The following ASH1L variants were observed in gnomAD, a reference collection of about 807,000 sequenced individuals.
ASH1L encodes the protein ASH1 like histone lysine methyltransferase, also known as histone-lysine N-methyltransferase ASH1L.
ASH1L carries 23 observed loss-of-function variants against 269.0 expected under a neutral mutation model. The ratio of observed to expected loss-of-function variants is 0.09; its 90% CI spans 0.06 to 0.12. The LOEUF is 0.12. ASH1L is among the 10% of genes least tolerant of loss of function. The pLI, the probability that ASH1L is intolerant of heterozygous loss-of-function variation, is 1.00. For missense variants in ASH1L, 2,912 were observed against 3,567.8 expected, an observed-to-expected ratio of 0.82 and a Z score of 4.68; for synonymous variants, 1,187 against 1,253.5, an observed-to-expected ratio of 0.95 and a Z score of 1.12.
At chr1:155,473,556 C>T (rs976189746) in intron 3 of ASH1L, among the ~76,000 whole-genome samples, 3 of 149,514 alleles carry the variant, frequency 2.0e-5, no homozygotes, top group East Asian at 2.0e-4. Context: ...TGAAGTGGCA[C>T]GATCACAGCT....
At chr1:155,512,075 G>T (rs1376093136) in intron 2 of ASH1L, among the ~76,000 whole-genome samples, 1 of 151,706 alleles carries the variant, frequency 6.6e-6, no homozygotes, top group Non-Finnish European at 1.5e-5. Context: ...GTCTCCCAAA[G>T]TGCTGGGATT....
chr1:155,388,459 TTTTTC>T lies in ASH1L; in HGVS notation c.6103+6995_6103+6999del, dbSNP rs1657623759. On this transcript the variant is annotated intron_variant, in intron 7 of 27. Transcript: ENST00000392403. ...GTGCATGTCACCATACCTGGCTAAA[TTTTTC>T]TTTTCTTTTTAAATTTTTGTATACA... Among the ~76,000 whole-genome samples, 3 of 151,680 alleles carry T rather than the reference TTTTTC, an allele frequency of 2.0e-5. 1 individual carries two copies. Among genetic ancestry groups the T allele is most frequent in the South Asian group, 4.2e-4 (2 of 4,806 alleles).
Position 155,390,851 on chromosome 1 carries a change from G to A in ASH1L, c.6103+4608C>T, listed in dbSNP as rs956882683. Among the ~76,000 whole-genome samples the A allele has an allele frequency of 5.9e-5, 9 of 151,428 alleles. No homozygotes were observed. In the South Asian group the frequency reaches 1.7e-3, roughly 28 times the overall value. On this transcript the variant is annotated intron_variant, in intron 7 of 27. Transcript: ENST00000392403. ...TTTTTAGTAGAGACGTGGTTTCACC[G>A]TGTTAGCCAGGATGGTTTCGATCTC...
intron 4 of ASH1L, among the ~76,000 whole-genome samples, chr1:155,446,300 A>G (rs929773220): frequency 7.1e-6 from 1 of 139,930 alleles, no homozygotes; most frequent in Non-Finnish European, 1.6e-5. Flanking sequence ...AATTAATTAA[A>G]TTTTTTTTTT....
At chr1:155,560,917 A>G (rs1389865304) in intron 1 of ASH1L, among the ~76,000 whole-genome samples, 1 of 152,004 alleles carries the variant, frequency 6.6e-6, no homozygotes, top group African/African-American at 2.4e-5. Flanking sequence ...ATCTGACACA[A>G]TCGGTCTCCC....
chr1:155,413,330 G>C (rs1659949045), intron 6 of ASH1L, among the ~76,000 whole-genome samples: 1 of 152,070 alleles, frequency 6.6e-6, no homozygotes, highest in South Asian at 2.1e-4. Flanking sequence ...CATGGGCCAG[G>C]CATGGTGGCT....
chr1:155,489,909 A>T lies in ASH1L; in HGVS notation c.421-7460T>A, dbSNP rs567867455. Among the ~76,000 whole-genome samples, 3 of 152,254 alleles carry T rather than the reference A, an allele frequency of 2.0e-5. No homozygotes were observed. The East Asian group carries it at 5.8e-4, about 29-fold the overall frequency. On this transcript the variant is annotated intron_variant, in intron 2 of 27. Coordinates refer to ENST00000392403, the MANE Select transcript of ASH1L (RefSeq NM_018489.3). ...ATTACTTCCTTCAGGTAAATTTTTA[A>T]AGGTGAAAGTACAAAGCTGAAGGGC...
chr1:155,562,399 C>T lies in ASH1L; in HGVS notation c.-346G>A. The T allele has an allele frequency of 6.7e-7, 1 of 1,497,222 alleles. No homozygotes were observed. Among genetic ancestry groups the T allele is most frequent in the Middle Eastern group, 1.7e-4 (1 of 5,902 alleles). The allele number at this position is 1,497,222 out of a possible 1,614,324, so 92.7% of individuals were successfully genotyped here. On this transcript the variant is annotated 5_prime_UTR_variant, in exon 1 of 28. Transcript: ENST00000392403. ...CGAGACTGGGATCGTCTCCCCTCCG[C>T]AAAGCGAACCCAAAATGGCGGCGGG...
At chr1:155,417,972 A>C (rs1571157257) in intron 5 of ASH1L, among the ~76,000 whole-genome samples, 6 of 152,158 alleles carry the variant, frequency 3.9e-5, no homozygotes, top group African/African-American at 1.4e-4. Flanking sequence ...AAAAAAAAAA[A>C]GACTAGCCTT....
chr1:155,389,343 T>C (rs1003957549), intron 7 of ASH1L, among the ~76,000 whole-genome samples: 2 of 152,104 alleles, frequency 1.3e-5, no homozygotes, highest in South Asian at 2.1e-4. Flanking sequence ...CTTGGAGATA[T>C]ATATTTATAT....
intron 13 of ASH1L, among the ~76,000 whole-genome samples, chr1:155,359,113 C>T (rs1197503922): frequency 1.3e-5 from 2 of 152,138 alleles, no homozygotes; most frequent in Non-Finnish European, 2.9e-5. Flanking sequence ...GAACGAGATC[C>T]TGTCTTAATA....
intron 6 of ASH1L, among the ~76,000 whole-genome samples, chr1:155,398,609 ATG>A (rs1308865151): frequency 2.0e-5 from 3 of 152,216 alleles, no homozygotes; most frequent in Non-Finnish European, 4.4e-5. Context: ...TGGTGAATGA[ATG>A]TGAAAGCCTA....
intron 6 of ASH1L, among the ~76,000 whole-genome samples, chr1:155,407,794 GA>G (rs1659419661): frequency 6.6e-6 from 1 of 151,440 alleles, no homozygotes; most frequent in Admixed American, 6.6e-5. Context: ...TATGCTAAGT[GA>G]AAAAACTCAG....
Position 155,478,406 on chromosome 1 carries a change from T to G in ASH1L, c.4464A>C (p.Lys1488Asn). The G allele has an allele frequency of 6.2e-7, 1 of 1,614,110 alleles. No individual in the cohort carries two copies. The highest frequency in any genetic ancestry group is 8.5e-7 in the Non-Finnish European group (1 of 1,180,024). The change falls in exon 3 of 28, where the codon AAA becomes AAC. Residue 1488 changes from lysine to asparagine, a missense_variant. Coordinates refer to ENST00000392403, the MANE Select transcript of ASH1L (RefSeq NM_018489.3). The surrounding 1 kb of genome is among the most constrained non-coding windows in gnomAD (Gnocchi z 4.6). ...MVEHKHRHRH[K>N]HREHRSSEQP... is the part of the protein sequence containing the mutation. The stretch of plus-strand genomic sequence containing the variant: ...GTTCAGAAGAACGGTGTTCTCTGTG[T>G]TTGTGACGGTGCCTGTGTTTGTGCT...
intron 6 of ASH1L, among the ~76,000 whole-genome samples, chr1:155,396,690 G>A (rs969690279): frequency 6.6e-6 from 1 of 151,722 alleles, no homozygotes; most frequent in East Asian, 1.9e-4. Context: ...TTGGCCGGGC[G>A]CAGTGGCTCA....
At chr1:155,346,583 AG>A (rs998795918) in intron 20 of ASH1L, 114 bp from the exon 21 acceptor site, 1 of 785,998 alleles carries the variant, frequency 1.3e-6, no homozygotes, top group African/African-American at 1.7e-5. Context: ...AGAGGAACTA[AG>A]GGATAACTGG....
At chr1:155,416,949 T>C (rs1660262981) in intron 5 of ASH1L, among the ~76,000 whole-genome samples, 1 of 150,894 alleles carries the variant, frequency 6.6e-6, no homozygotes, top group Admixed American at 6.6e-5. Flanking sequence ...TTTTCTTTTT[T>C]GAGACGGAGA....
In ASH1L at chr1:155,344,233, C is replaced by T. The variant is rs1307133747; in HGVS notation, c.7931G>A (p.Gly2644Asp). The change falls in exon 22 of 28, where the codon GGC becomes GAC. Residue 2644 changes from glycine to aspartate, a missense_variant. Gly to Asp is a moderately conservative substitution (Grantham distance 94). Transcript: ENST00000392403. ...GAGCAAACAGATGAAGTAGACACAG[C>T]CAGGTTGGGCATAGTGGGGCCGAGG... ...MIPRPHYAQP[G>D]CVYFICLLRD... 1 of 1,614,082 alleles carries T rather than the reference C, an allele frequency of 6.2e-7. No homozygotes were observed.
chr1:155,529,210 G>A (rs1038735405), intron 1 of ASH1L, among the ~76,000 whole-genome samples: 4 of 152,180 alleles, frequency 2.6e-5, no homozygotes, highest in Non-Finnish European at 4.4e-5. Flanking sequence ...TATATACCCA[G>A]TAACGGGACT....
Sources: allele counts gnomAD v4.1 joint callset (sites outside exome capture counted in the v4.1 genomes callset), GRCh38; gene constraint gnomAD v4.1.1; non-coding constraint Gnocchi (gnomAD v3.1); transcripts MANE v1.5; gene names NCBI Gene and HGNC (gene_info 2026-07-23, HGNC 2026-07-21).